The following ASB4 variants were observed in gnomAD, a reference collection of about 807,000 sequenced individuals.
ASB4 encodes the protein ankyrin repeat and SOCS box containing 4, also known as ankyrin repeat and SOCS box protein 4.
Under a neutral mutation model 38.6 loss-of-function variants are expected in ASB4, and 35 were observed. The observed-to-expected ratio is 0.91, with a 90% CI of 0.69 to 1.20. The LOEUF is 1.20. Among genes scored for constraint, ASB4 ranks in the 50% most tolerant of loss-of-function variants. ASB4 has a pLI of 0.00. For missense variants in ASB4, 557 were observed against 527.2 expected, an observed-to-expected ratio of 1.06 and a Z score of -0.55; for synonymous variants, 195 against 201.3, an observed-to-expected ratio of 0.97 and a Z score of 0.26.
chr7:95,490,663 T>C (rs1790158447), intron 1 of ASB4, among the ~76,000 whole-genome samples: 1 of 152,364 alleles, frequency 6.6e-6, no homozygotes, highest in East Asian at 1.9e-4. Flanking sequence ...TTACCAGAAA[T>C]GTGTACATCC....
At chr7:95,507,913 C>T (rs1044801063) in intron 2 of ASB4, among the ~76,000 whole-genome samples, 1 of 152,050 alleles carries the variant, frequency 6.6e-6, no homozygotes, top group African/African-American at 2.4e-5. Context: ...AAGATTATAC[C>T]AATGAGTTGA....
chr7:95,478,081 C>T (rs139621935), upstream of ASB4, among the ~76,000 whole-genome samples: 3 of 152,286 alleles, frequency 2.0e-5, no homozygotes, highest in East Asian at 5.8e-4. Context: ...AAGAACGTTA[C>T]AGAGGACAGT....
In ASB4 at chr7:95,540,103, C is replaced by G. The variant is rs1215287380; in HGVS notation, c.*2344C>G. ...TATTCACCTTGCTTGTGCTTAAACACTTATGTTCATCTAGTGTAGAATACA... is the reference window on the plus strand; with the variant it reads ...TATTCACCTTGCTTGTGCTTAAACAGTTATGTTCATCTAGTGTAGAATACA... On this transcript the variant is annotated 3_prime_UTR_variant, in exon 5 of 5. Coordinates refer to ENST00000325885, the MANE Select transcript of ASB4 (RefSeq NM_016116.3). 6.6e-6 allele frequency: 1 copy of G among 152,190 alleles called. No homozygotes were observed. Among genetic ancestry groups the G allele is most frequent in the East Asian group, 1.9e-4 (1 of 5,194 alleles). The allele number at this position is 152,190 out of a possible 1,614,324, so 9.4% of individuals were successfully genotyped here.
chr7:95,513,302 T>TGTGTGTGTG lies in ASB4; in HGVS notation c.488-14510_488-14502dup, dbSNP rs1440853621. Among the ~76,000 whole-genome samples the TGTGTGTGTG allele has an allele frequency of 3.5e-5, 3 of 85,998 alleles. No individual in the cohort carries two copies. The East Asian group carries it at 7.7e-4, about 22-fold the overall frequency. The allele number at this position is 85,998 out of a possible 152,430, so 56.4% of individuals were successfully genotyped here. ...AAATCGAGCCAATAGAATGTGTGTG[T>TGTGTGTGTG]GTGTGTGTGTGTGTGTGTGTGTGTG... On this transcript the variant is annotated intron_variant, in intron 2 of 4. Transcript: ENST00000325885.
intron 2 of ASB4, among the ~76,000 whole-genome samples, chr7:95,507,925 C>A (rs1037925789): frequency 6.6e-6 from 1 of 151,772 alleles, no homozygotes; most frequent in Admixed American, 6.6e-5. Flanking sequence ...ATGAGTTGAG[C>A]GACGGATGCA....
upstream of ASB4, chr7:95,474,088 C>G (rs1349674065): frequency 6.6e-6 from 1 of 152,188 alleles, no homozygotes; most frequent in African/African-American, 2.4e-5. Flanking sequence ...AGTTGGGGCG[C>G]ACCCTTACTT....
chr7:95,546,512 A>C, the ASB4 span, among the ~76,000 whole-genome samples: 7 of 152,164 alleles, frequency 4.6e-5, no homozygotes, highest in Middle Eastern at 0.014. Context: ...CTTGAATTTG[A>C]GCTCTTCAGG....
chr7:95,531,391 A>T (rs945784864), intron 3 of ASB4, among the ~76,000 whole-genome samples: 35 of 152,196 alleles, frequency 2.3e-4, no homozygotes, highest in African/African-American at 8.0e-4. Flanking sequence ...TTCAAAGACT[A>T]CTTTCCCTCC....
chr7:95,523,494 A>G (rs976652434), intron 2 of ASB4, among the ~76,000 whole-genome samples: 1 of 152,226 alleles, frequency 6.6e-6, no homozygotes, highest in Non-Finnish European at 1.5e-5. Flanking sequence ...AATCAAATGA[A>G]TTCGGATTTT....
chr7:95,531,392 C>A (rs1584094733), intron 3 of ASB4, among the ~76,000 whole-genome samples: 1 of 152,356 alleles, frequency 6.6e-6, no homozygotes, highest in Non-Finnish European at 1.5e-5. Context: ...TCAAAGACTA[C>A]TTTCCCTCCA....
intron 1 of ASB4, among the ~76,000 whole-genome samples, chr7:95,492,033 C>G (rs1790178763): frequency 1.3e-5 from 2 of 152,208 alleles, no homozygotes. Flanking sequence ...TGCCATTTCT[C>G]CACTTCAGCT....
chr7:95,505,430 T>C (rs1238732908), intron 2 of ASB4, among the ~76,000 whole-genome samples: 1 of 152,150 alleles, frequency 6.6e-6, no homozygotes, highest in Non-Finnish European at 1.5e-5. Context: ...GAAAATTGTT[T>C]AAAAGACATT....
chr7:95,532,341 C>G (rs3801912), intron 3 of ASB4, among the ~76,000 whole-genome samples: 1 of 151,912 alleles, frequency 6.6e-6, no homozygotes, highest in South Asian at 2.1e-4. Context: ...ATTACATAAG[C>G]GGGGGAAAAA....
Position 95,528,006 on chromosome 7 carries a change from C to T in ASB4, c.681C>T (p.Tyr227=). ...CCCTCCGCTTTAAGGAGCAGGAGTA[C>T]AGCACGGAGCACCACCTGGTCTGCC... ...YWALRFKEQE[Y]STEHHLVCRM... is the part of the protein sequence containing the mutation. The change falls in exon 3 of 5, where the codon TAC becomes TAT. Residue 227 remains tyrosine (Y), a synonymous_variant. Coordinates refer to ENST00000325885, the MANE Select transcript of ASB4 (RefSeq NM_016116.3). 6.2e-7 allele frequency: 1 copy of T among 1,614,138 alleles called. No homozygotes were observed. The highest frequency in any genetic ancestry group is 8.5e-7 in the Non-Finnish European group (1 of 1,180,040).
At chr7:95,512,673 C>A (rs1790499017) in intron 2 of ASB4, among the ~76,000 whole-genome samples, 1 of 152,098 alleles carries the variant, frequency 6.6e-6, no homozygotes, top group African/African-American at 2.4e-5. Context: ...ATCCATCTTG[C>A]AATACTAATA....
chr7:95,549,544 G>A, the ASB4 span, among the ~76,000 whole-genome samples: 2 of 151,974 alleles, frequency 1.3e-5, no homozygotes, highest in Non-Finnish European at 2.9e-5. Flanking sequence ...TGATCCGCCC[G>A]CCTTGGGCTC....
chr7:95,521,861 T>A (rs765999291), intron 2 of ASB4, among the ~76,000 whole-genome samples: 2 of 151,930 alleles, frequency 1.3e-5, no homozygotes, highest in Non-Finnish European at 2.9e-5. Flanking sequence ...ATGATAAGCA[T>A]CAATTTTAGA....
rs970000102 is a variant in ASB4, at chr7:95,510,604, C to T, written c.487+14547C>T. 6.6e-5 allele frequency among the ~76,000 whole-genome samples: 10 copies of T among 152,158 alleles called. No individual in the cohort carries two copies. The East Asian group carries it at 1.2e-3, about 18-fold the overall frequency. On this transcript the variant is annotated intron_variant, in intron 2 of 4. Transcript: ENST00000325885. ...ACTAATTGTTTTGGTCTCACCTATA[C>T]GACAATTTTAGGTCAATTTTCTCAA...
intron 2 of ASB4, among the ~76,000 whole-genome samples, chr7:95,501,120 A>G (rs545482940): frequency 1.3e-5 from 2 of 152,300 alleles, no homozygotes; most frequent in African/African-American, 4.8e-5. Flanking sequence ...TTAATCATTA[A>G]CTTTCTAATT....
Sources: gnomAD v4.1 joint callset for allele counts (sites outside exome capture counted in the v4.1 genomes callset) on GRCh38, gnomAD v4.1.1 for gene constraint, MANE v1.5 for transcripts, NCBI Gene and HGNC (gene_info 2026-07-23, HGNC 2026-07-21) for gene names.